TMEM132D: variants seen among roughly 807,000 people sequenced by gnomAD.
TMEM132D encodes the protein transmembrane protein 132D, also known as mature OL transmembrane protein.
Under a neutral mutation model 62.3 loss-of-function variants are expected in TMEM132D, and 21 were observed. The ratio of observed to expected loss-of-function variants is 0.34; its 90% confidence interval spans 0.24 to 0.49. TMEM132D has a LOEUF of 0.49. TMEM132D is among the 20% of genes least tolerant of loss of function. TMEM132D has a pLI of 0.99. For synonymous variants in TMEM132D, 621 were observed against 575.6 expected (o/e 1.08, Z -1.13); for missense variants, 1,346 against 1,402.8 (o/e 0.96, Z 0.65).
intron 5 of TMEM132D, among the ~76,000 whole-genome samples, chr12:129,208,089 G>A (rs1012311929): frequency 3.7e-4 from 57 of 152,160 alleles, no homozygotes; most frequent in African/African-American, 1.0e-3. Context: ...GCCCGTGACC[G>A]CCCTGGCTGT....
chr12:129,699,928 G>T lies in TMEM132D; in HGVS notation c.850C>A (p.Leu284Met), dbSNP rs755951672. 1.2e-6 allele frequency: 2 copies of T among 1,614,052 alleles called. No homozygotes were observed. The highest frequency in any genetic ancestry group is 2.2e-5 in the South Asian group (2 of 91,082). The change falls in exon 2 of 9, where the codon CTG becomes ATG. Residue 284 changes from leucine to methionine, a missense_variant. Leu to Met is a conservative substitution (Grantham distance 15). Coordinates refer to ENST00000422113, the MANE Select transcript of TMEM132D (RefSeq NM_133448.3). Reference sequence around the variant, plus strand: ...ATGGCCACGCTGTTGTCCAGACGCAGTTCTCTCAGGGAGGGTTTCCTGTGT... The same window carrying T: ...ATGGCCACGCTGTTGTCCAGACGCATTTCTCTCAGGGAGGGTTTCCTGTGT... ...QTHRKPSLRELRLDNSVAIHY... is the reference protein window; with the variant it reads ...QTHRKPSLREMRLDNSVAIHY...
At chr12:129,367,153 A>G (rs12319167) in intron 3 of TMEM132D, among the ~76,000 whole-genome samples, 33,317 of 152,132 alleles carry the variant, frequency 0.22, 3,875 homozygotes, top group Non-Finnish European at 0.26. Context: ...CAAGGACAAA[A>G]CATGGTGCTG....
intron 1 of TMEM132D, among the ~76,000 whole-genome samples, chr12:129,893,768 T>G (rs905305053): frequency 2.0e-5 from 3 of 152,252 alleles, no homozygotes; most frequent in Non-Finnish European, 2.9e-5. Context: ...TTGTGTGAAC[T>G]GAGCCAGCAA....
intron 4 of TMEM132D, among the ~76,000 whole-genome samples, chr12:129,310,317 C>T (rs902743734): frequency 6.6e-6 from 1 of 152,180 alleles, no homozygotes; most frequent in Admixed American, 6.5e-5. Context: ...AGGATTTATT[C>T]AGGAACAGGG....
chr12:129,195,198 G>A (rs1878514287), intron 5 of TMEM132D, among the ~76,000 whole-genome samples: 2 of 152,158 alleles, frequency 1.3e-5, no homozygotes, highest in African/African-American at 4.8e-5. Flanking sequence ...CAGTGAGGGG[G>A]AGCTGTGTGC....
intron 3 of TMEM132D, among the ~76,000 whole-genome samples, chr12:129,399,570 C>T (rs937731557): frequency 1.3e-5 from 2 of 151,190 alleles, no homozygotes; most frequent in Non-Finnish European, 1.5e-5. Flanking sequence ...GTTTCCAAGA[C>T]ATGAGCTTTG....
chr12:129,128,883 T>C (rs1876292893), intron 5 of TMEM132D, among the ~76,000 whole-genome samples: 1 of 152,246 alleles, frequency 6.6e-6, no homozygotes, highest in Non-Finnish European at 1.5e-5. Flanking sequence ...TCACTTAGGA[T>C]GATGGCTTCC....
intron 4 of TMEM132D, among the ~76,000 whole-genome samples, chr12:129,305,445 C>A (rs1593330404): frequency 6.6e-6 from 1 of 152,250 alleles, no homozygotes; most frequent in East Asian, 1.9e-4. Flanking sequence ...AATAGCAAGA[C>A]ATCAAATTAT....
chr12:129,222,996 C>T (rs1879387296), intron 4 of TMEM132D, among the ~76,000 whole-genome samples: 1 of 152,072 alleles, frequency 6.6e-6, no homozygotes, highest in Non-Finnish European at 1.5e-5. Flanking sequence ...TGTATCAAGA[C>T]ATCATATTAT....
intron 3 of TMEM132D, among the ~76,000 whole-genome samples, chr12:129,362,451 C>T (rs1227097292): frequency 4.1e-5 from 5 of 123,196 alleles, no homozygotes; most frequent in South Asian, 2.8e-4. Context: ...GTTTTCCACA[C>T]GTGAGCTGGA....
rs571137315 is a variant in TMEM132D, at chr12:129,076,036, A to T, written c.2116-977T>A. Among the ~76,000 whole-genome samples, 6 of 151,038 alleles carry T rather than the reference A, an allele frequency of 4.0e-5. No individual in the cohort carries two copies. The East Asian group carries it at 1.2e-3, about 29-fold the overall frequency. ...CACAGCAACAGCTGATTGAAATGAG[A>T]CAGCTGCTGCCATTAGAGCCATCAA... On this transcript the variant is annotated intron_variant, in intron 8 of 8. Coordinates refer to ENST00000422113, the MANE Select transcript of TMEM132D (RefSeq NM_133448.3).
intron 3 of TMEM132D, among the ~76,000 whole-genome samples, chr12:129,358,551 G>A (rs750928169): frequency 6.6e-6 from 1 of 152,184 alleles, no homozygotes; most frequent in Non-Finnish European, 1.5e-5. Flanking sequence ...AGAGGACACT[G>A]CTGAAGACTG....
chr12:129,340,043 A>T (rs1869418334), intron 3 of TMEM132D, among the ~76,000 whole-genome samples: 1 of 152,152 alleles, frequency 6.6e-6, no homozygotes, highest in Non-Finnish European at 1.5e-5. Context: ...GGAAAACCTT[A>T]TACATCTCTT....
chr12:129,349,204 G>C (rs369286027), intron 3 of TMEM132D, among the ~76,000 whole-genome samples: 34 of 152,268 alleles, frequency 2.2e-4, no homozygotes, highest in African/African-American at 7.9e-4. Context: ...CAAATAACCA[G>C]GCTTTGTTGC....
intron 4 of TMEM132D, among the ~76,000 whole-genome samples, chr12:129,217,335 A>C (rs1361690242): frequency 6.6e-6 from 1 of 152,218 alleles, no homozygotes; most frequent in African/African-American, 2.4e-5. Flanking sequence ...CTCACTTATA[A>C]GTGTGAGCTA....
intron 1 of TMEM132D, among the ~76,000 whole-genome samples, chr12:129,832,669 G>A (rs1872879458): frequency 6.6e-6 from 1 of 152,166 alleles, no homozygotes; most frequent in African/African-American, 2.4e-5. Context: ...CAGGTGAAGG[G>A]CTGAGGTGCG....
chr12:129,549,595 T>C (rs1214333749), intron 2 of TMEM132D, among the ~76,000 whole-genome samples: 1 of 152,222 alleles, frequency 6.6e-6, no homozygotes, highest in Non-Finnish European at 1.5e-5. Flanking sequence ...CATGTGGAAC[T>C]GTGAGTCCAT....
At chr12:129,771,188 G>A (rs777712406) in intron 1 of TMEM132D, among the ~76,000 whole-genome samples, 10 of 152,208 alleles carry the variant, frequency 6.6e-5, no homozygotes, top group Admixed American at 1.3e-4. Context: ...CTCCCCAGGC[G>A]GATGATGTAC....
chr12:129,430,684 AG>A (rs1297411671), intron 3 of TMEM132D, among the ~76,000 whole-genome samples: 2 of 152,156 alleles, frequency 1.3e-5, no homozygotes, highest in Non-Finnish European at 2.9e-5. Flanking sequence ...GTGACATTAG[AG>A]GGTTGATTAT....
Sources: gnomAD v4.1 joint callset for allele counts (sites outside exome capture counted in the v4.1 genomes callset) on GRCh38, gnomAD v4.1.1 for gene constraint, MANE v1.5 for transcripts, NCBI Gene and HGNC (gene_info 2026-07-23, HGNC 2026-07-21) for gene names.